ROR1: variants seen among roughly 807,000 people sequenced by gnomAD.
ROR1 encodes the protein inactive tyrosine-protein kinase transmembrane receptor ROR1.
A neutral mutation model predicts 78.8 loss-of-function variants in ROR1; 19 were observed. The ratio of observed to expected loss-of-function variants is 0.24; its 90% CI spans 0.17 to 0.35. ROR1 has a LOEUF of 0.35. Ranked by LOEUF, ROR1 falls within the 10% of genes least tolerant of loss-of-function variation. The probability of loss-of-function intolerance (pLI) is 1.00; values close to 1 mark genes in which losing one functional copy is unlikely to be tolerated. For synonymous variants in ROR1, 386 were observed against 433.6 expected (o/e 0.89, Z 1.36); for missense variants, 917 against 1,177.8 (o/e 0.78, Z 3.24).
intron 1 of ROR1, among the ~76,000 whole-genome samples, chr1:64,001,881 T>G (rs1274135923): frequency 2.0e-5 from 3 of 152,174 alleles, no homozygotes; most frequent in African/African-American, 7.2e-5. Flanking sequence ...TGTTATCCTT[T>G]TTGGCACCAA....
intron 4 of ROR1, among the ~76,000 whole-genome samples, chr1:64,088,664 C>T (rs578194632): frequency 2.6e-4 from 40 of 152,230 alleles, no homozygotes; most frequent in African/African-American, 9.1e-4. Flanking sequence ...CTGATCCCAC[C>T]ATTTGTAACC....
chr1:63,854,769 C>T (rs146768415), intron 1 of ROR1, among the ~76,000 whole-genome samples: 484 of 152,274 alleles, frequency 3.2e-3, no homozygotes, highest in Non-Finnish European at 5.8e-3. Context: ...AAACTACAGT[C>T]GTCTCTTGGT....
At chr1:63,992,500 C>A (rs934726690) in intron 1 of ROR1, among the ~76,000 whole-genome samples, 4 of 152,212 alleles carry the variant, frequency 2.6e-5, no homozygotes, top group African/African-American at 9.6e-5. Context: ...GCCACCGTGT[C>A]AGGCCAGGTT....
At chr1:63,939,059 A>G (rs1325673430) in intron 1 of ROR1, among the ~76,000 whole-genome samples, 1 of 152,196 alleles carries the variant, frequency 6.6e-6, no homozygotes, top group Non-Finnish European at 1.5e-5. Context: ...TCTGCTTTAA[A>G]TTCATTTCAT....
chr1:64,112,307 A>G (rs758334482), intron 4 of ROR1: 4 of 152,138 alleles, frequency 2.6e-5, no homozygotes, highest in Non-Finnish European at 5.9e-5. Flanking sequence ...TGTGATGTTT[A>G]TCAGATCCTC....
At position 64,109,951 on chromosome 1, in the gene ROR1, G is replaced by A. The variant is rs536985767; in HGVS notation, c.483-27418G>A. Among the ~76,000 whole-genome samples, 6 of 152,228 alleles carry A rather than the reference G, an allele frequency of 3.9e-5. No individual in the cohort carries two copies. In the East Asian group the frequency reaches 1.2e-3, roughly 29 times the overall value. On this transcript the variant is annotated intron_variant, in intron 4 of 8. Transcript: ENST00000371079. ...ACCAACAGACACAACTCAGACCAGA[G>A]CTAACCCTGTCAATTTAGACATCAC...
At chr1:64,163,088 A>G (rs927268500) in intron 8 of ROR1, among the ~76,000 whole-genome samples, 1 of 152,096 alleles carries the variant, frequency 6.6e-6, no homozygotes, top group African/African-American at 2.4e-5. Context: ...GAGAGGTTAA[A>G]AGATGGAGGA....
At chr1:63,897,688 A>T (rs1385669896) in intron 1 of ROR1, among the ~76,000 whole-genome samples, 1 of 152,202 alleles carries the variant, frequency 6.6e-6, no homozygotes. Flanking sequence ...TTGTTCACTG[A>T]TATATTCCCA....
chr1:64,030,711 A>G (rs888123806), intron 2 of ROR1, among the ~76,000 whole-genome samples: 1 of 152,188 alleles, frequency 6.6e-6, no homozygotes, highest in African/African-American at 2.4e-5. Context: ...TGACTCAGGA[A>G]TTCTCTATCC....
rs57880828 is a variant in ROR1, at chr1:64,163,222, A to AACACACACACACAC, written c.1386+4062_1386+4075dup. Among the ~76,000 whole-genome samples, 350 of 137,750 alleles carry AACACACACACACAC rather than the reference A, an allele frequency of 2.5e-3. 5 individuals are homozygous for AACACACACACACAC. Among genetic ancestry groups the AACACACACACACAC allele is most frequent in the African/African-American group, 9.3e-3 (336 of 36,306 alleles). The allele number at this position is 137,750 out of a possible 152,430, so 90.4% of individuals were successfully genotyped here. On this transcript the variant is annotated intron_variant, in intron 8 of 8. Transcript: ENST00000371079. ...AACATGGGGAAACCCCATCTCTACA[A>AACACACACACACAC]ACACACACACACACACACACACACA...
At chr1:63,971,379 G>A (rs771905461) in intron 1 of ROR1, among the ~76,000 whole-genome samples, 1 of 152,124 alleles carries the variant, frequency 6.6e-6, no homozygotes, top group Admixed American at 6.5e-5. Flanking sequence ...CCCACAATAA[G>A]CACTAAGTGT....
At chr1:64,131,960 A>C (rs1648927705) in intron 4 of ROR1, among the ~76,000 whole-genome samples, 1 of 152,168 alleles carries the variant, frequency 6.6e-6, no homozygotes. Flanking sequence ...AATAGTAGTT[A>C]GTATATTCAT....
At chr1:63,901,123 G>A (rs758348939) in intron 1 of ROR1, among the ~76,000 whole-genome samples, 43 of 152,268 alleles carry the variant, frequency 2.8e-4, no homozygotes, top group Non-Finnish European at 4.6e-4. Flanking sequence ...GGCCTGGCCC[G>A]CTGTAAGCTA....
Position 64,031,042 on chromosome 1 carries a change from A to G in ROR1, c.164-18649A>G, listed in dbSNP as rs190576586. 2.6e-5 allele frequency among the ~76,000 whole-genome samples: 4 copies of G among 152,212 alleles called. No individual in the cohort carries two copies. The East Asian group carries it at 7.8e-4, about 29-fold the overall frequency. On this transcript the variant is annotated intron_variant, in intron 2 of 8. Transcript: ENST00000371079. ...CAGGCACACACCACCATGCCTGCCT[A>G]ATTTTTGTAGAGACAGAGTTTTGCC...
At chr1:64,058,503 CTAT>C (rs1218548224) in intron 4 of ROR1, among the ~76,000 whole-genome samples, 1 of 151,348 alleles carries the variant, frequency 6.6e-6, no homozygotes, top group African/African-American at 2.4e-5. Flanking sequence ...AGAAAATTCC[CTAT>C]TATTCCTATT....
chr1:64,013,529 T>G (rs965369649), intron 2 of ROR1, among the ~76,000 whole-genome samples: 1 of 152,210 alleles, frequency 6.6e-6, no homozygotes, highest in Non-Finnish European at 1.5e-5. Context: ...GGGTTTGTTC[T>G]TCACTTGGCT....
chr1:64,175,584 C>A (rs998398091), intron 8 of ROR1, among the ~76,000 whole-genome samples: 1 of 152,174 alleles, frequency 6.6e-6, no homozygotes, highest in Non-Finnish European at 1.5e-5. Flanking sequence ...AAACTCATTT[C>A]CAAATATAAA....
At chr1:63,950,469 G>A (rs1432486518) in intron 1 of ROR1, among the ~76,000 whole-genome samples, 1 of 152,212 alleles carries the variant, frequency 6.6e-6, no homozygotes, top group Admixed American at 6.5e-5. Context: ...ATAATGACCA[G>A]TGAGGACGAC....
intron 1 of ROR1, among the ~76,000 whole-genome samples, chr1:64,007,117 G>A (rs572363022): frequency 1.3e-5 from 2 of 152,198 alleles, no homozygotes; most frequent in South Asian, 4.1e-4. Flanking sequence ...AAGAGACCTG[G>A]GTTTGAATTG....
Sources: allele counts gnomAD v4.1 joint callset (sites outside exome capture counted in the v4.1 genomes callset), GRCh38; gene constraint gnomAD v4.1.1; transcripts MANE v1.5; gene names NCBI Gene and HGNC (gene_info 2026-07-23, HGNC 2026-07-21).